The following ME3 variants were observed in gnomAD, a reference collection of about 807,000 sequenced individuals.
ME3 encodes the protein malic enzyme 3.
In ME3, 48 loss-of-function variants were observed where a neutral mutation model predicts 68.9. The ratio of observed to expected loss-of-function variants is 0.70; its 90% CI spans 0.55 to 0.89. ME3 has a LOEUF of 0.89. ME3 is among the 40% of genes least tolerant of loss of function. ME3 has a pLI of 0.00. For missense variants in ME3, 675 were observed against 797.4 expected, an observed-to-expected ratio of 0.85 and a Z score of 1.85; for synonymous variants, 320 against 318.8, an observed-to-expected ratio of 1.00 and a Z score of -0.04.
At chr11:86,519,049 C>G (rs1187581124) in intron 4 of ME3, among the ~76,000 whole-genome samples, 2 of 152,202 alleles carry the variant, frequency 1.3e-5, no homozygotes, top group African/African-American at 4.8e-5. Flanking sequence ...AAATAAATTT[C>G]TGTTGTTTTA....
At chr11:86,621,682 G>A (rs1326331585) in intron 2 of ME3, among the ~76,000 whole-genome samples, 1 of 151,696 alleles carries the variant, frequency 6.6e-6, no homozygotes, top group African/African-American at 2.4e-5. Context: ...ATAAGTTTAA[G>A]GCAAAGTTAG....
downstream of ME3, among the ~76,000 whole-genome samples, chr11:86,439,749 T>G (rs2138568036): frequency 6.6e-6 from 1 of 152,348 alleles, no homozygotes; most frequent in Non-Finnish European, 1.5e-5. Context: ...AAAGAACCTA[T>G]TTTGCTTTCA....
intron 4 of ME3, among the ~76,000 whole-genome samples, chr11:86,537,880 A>G (rs368345708): frequency 3.9e-4 from 59 of 152,316 alleles, no homozygotes; most frequent in African/African-American, 1.3e-3. Flanking sequence ...TTAAGGGGGC[A>G]TCTTGGGAGC....
At chr11:86,465,287 G>T in intron 7 of ME3, 87 bp from the exon 8 acceptor site, 2 of 988,472 alleles carry the variant, frequency 2.0e-6, no homozygotes, top group Non-Finnish European at 1.6e-6. Flanking sequence ...GGGTGGGGAG[G>T]TGCAGGCCTG....
At chr11:86,489,589 C>G (rs775789016) in intron 6 of ME3, among the ~76,000 whole-genome samples, 6 of 152,164 alleles carry the variant, frequency 3.9e-5, no homozygotes, top group Non-Finnish European at 8.8e-5. Context: ...CCGCCACACT[C>G]TCCCTGGATT....
At chr11:86,598,765 C>T (rs1960029684) in intron 2 of ME3, among the ~76,000 whole-genome samples, 1 of 152,220 alleles carries the variant, frequency 6.6e-6, no homozygotes, top group Admixed American at 6.5e-5. Flanking sequence ...TCCAGAGGAA[C>T]TATCAGACAG....
chr11:86,519,157 T>C (rs3862787), intron 4 of ME3, among the ~76,000 whole-genome samples: 1,655 of 152,326 alleles, frequency 0.011, 34 homozygotes, highest in African/African-American at 0.037. Flanking sequence ...GTAGTGGTGA[T>C]ATCACAATTC....
intron 2 of ME3, among the ~76,000 whole-genome samples, chr11:86,663,830 C>A (rs1261470679): frequency 6.6e-6 from 1 of 152,144 alleles, no homozygotes; most frequent in African/African-American, 2.4e-5. Context: ...GAAAAAGTGT[C>A]CAAAAAAACG....
At chr11:86,446,285 A>G (rs375291468) in intron 13 of ME3, 29 bp downstream of exon 13, 1 of 1,611,844 alleles carries the variant, frequency 6.2e-7, no homozygotes, top group Non-Finnish European at 8.5e-7. Context: ...CCCTACTGCA[A>G]GCATTTGAGG....
At chr11:86,658,023 A>T (rs146848043) in intron 2 of ME3, among the ~76,000 whole-genome samples, 2 of 152,284 alleles carry the variant, frequency 1.3e-5, no homozygotes, top group African/African-American at 4.8e-5. Context: ...TCTTAGGGGT[A>T]CCATGAAGAA....
At chr11:86,567,200 A>G (rs1225681316) in intron 2 of ME3, among the ~76,000 whole-genome samples, 1 of 151,028 alleles carries the variant, frequency 6.6e-6, no homozygotes, top group Non-Finnish European at 1.5e-5. Context: ...CTGGGCAACA[A>G]GAGTGAAACT....
chr11:86,460,556 C>G (rs1950179729), intron 8 of ME3, among the ~76,000 whole-genome samples: 1 of 152,206 alleles, frequency 6.6e-6, no homozygotes, highest in Non-Finnish European at 1.5e-5. Flanking sequence ...GTCTCATTTT[C>G]ATGTGGGTTG....
chr11:86,492,379 C>T (rs182363227), intron 6 of ME3, among the ~76,000 whole-genome samples: 3 of 152,296 alleles, frequency 2.0e-5, no homozygotes, highest in African/African-American at 7.2e-5. Context: ...TCTGCTTCCT[C>T]CAAATGAGTT....
At chr11:86,458,511 C>A (rs1464200935) in intron 8 of ME3, among the ~76,000 whole-genome samples, 1 of 151,940 alleles carries the variant, frequency 6.6e-6, no homozygotes, top group African/African-American at 2.4e-5. Flanking sequence ...TCGGCTGTTG[C>A]AACAGCTAAA....
Position 86,559,835 on chromosome 11 carries a change from A to G in ME3, c.184-12T>C, listed in dbSNP as rs1250901077. On this transcript the variant is annotated splice_polypyrimidine_tract_variant and intron_variant, in intron 2 of 14. Transcript: ENST00000543262. ...GTAAAGGCCATCCCCTGGGAAAAAC[A>G]GGAAAAGAACACCCACACATAAGTG... 2 of 1,612,838 alleles carry G rather than the reference A, an allele frequency of 1.2e-6. No individual in the cohort carries two copies. The highest frequency in any genetic ancestry group is 2.2e-5 in the East Asian group (1 of 44,846).
intron 2 of ME3, among the ~76,000 whole-genome samples, chr11:86,604,747 C>G (rs1352426018): frequency 6.6e-6 from 1 of 152,100 alleles, no homozygotes; most frequent in Non-Finnish European, 1.5e-5. Context: ...GCAGCTGACA[C>G]AGTAGTTTGA....
intron 4 of ME3, among the ~76,000 whole-genome samples, chr11:86,520,144 A>G (rs1371549654): frequency 1.3e-5 from 2 of 152,094 alleles, no homozygotes; most frequent in African/African-American, 4.8e-5. Flanking sequence ...AGCCCCATGG[A>G]GGCCCCCTTT....
At chr11:86,438,011 C>T (rs1948906998), downstream of ME3, among the ~76,000 whole-genome samples, 1 of 152,150 alleles carries the variant, frequency 6.6e-6, no homozygotes, top group Non-Finnish European at 1.5e-5. Context: ...TAAACACCCT[C>T]CGTGTTGACT....
intron 5 of ME3, 105 bp from the exon 6 acceptor site, chr11:86,498,229 A>C (rs1952492035): frequency 7.4e-7 from 1 of 1,349,454 alleles, no homozygotes; most frequent in Non-Finnish European, 1.0e-6. Context: ...ATGCCCACTG[A>C]CTTTGCCGGT....
Sources: gnomAD v4.1 joint callset for allele counts (sites outside exome capture counted in the v4.1 genomes callset) on GRCh38, gnomAD v4.1.1 for gene constraint, MANE v1.5 for transcripts, NCBI Gene and HGNC (gene_info 2026-07-23, HGNC 2026-07-21) for gene names.